SCHIP1: variants seen among roughly 807,000 people sequenced by gnomAD.
The protein encoded by SCHIP1 is schwannomin interacting protein 1.
A neutral mutation model predicts 29.7 loss-of-function variants in SCHIP1; 8 were observed. That is an observed-to-expected ratio of 0.27 (90% CI 0.16 to 0.49). The LOEUF is 0.49. Ranked by LOEUF, SCHIP1 falls within the 20% of genes least tolerant of loss-of-function variation. The probability of loss-of-function intolerance (pLI) is 0.99; values close to 1 mark genes in which losing one functional copy is unlikely to be tolerated. For missense variants in SCHIP1, 193 were observed against 294.6 expected (o/e 0.66, Z 2.52); for synonymous variants, 76 against 94.9 (o/e 0.80, Z 1.16).
chr3:159,538,957 A>G, the SCHIP1 span, among the ~76,000 whole-genome samples: 1 of 152,122 alleles, frequency 6.6e-6, no homozygotes, highest in African/African-American at 2.4e-5. Flanking sequence ...AATCTTACAG[A>G]TAAGAGCCTC....
At chr3:159,371,148 T>C in the SCHIP1 span, among the ~76,000 whole-genome samples, 1 of 152,162 alleles carries the variant, frequency 6.6e-6, no homozygotes, top group African/African-American at 2.4e-5. Flanking sequence ...AGAACCACAC[T>C]TGGAACATAA....
chr3:159,866,274 T>A, exon 2 of SCHIP1: 2 of 1,613,466 alleles, frequency 1.2e-6, no homozygotes, highest in Non-Finnish European at 1.7e-6. Flanking sequence ...GCCAAGCCTT[T>A]CCTCCCGGTG....
the SCHIP1 span, among the ~76,000 whole-genome samples, chr3:159,426,965 C>A: frequency 3.9e-5 from 6 of 152,120 alleles, no homozygotes; most frequent in Admixed American, 2.6e-4. Flanking sequence ...TCAGAAAAGG[C>A]CTTTGACAAA....
At chr3:159,518,291 G>A in the SCHIP1 span, among the ~76,000 whole-genome samples, 1 of 152,044 alleles carries the variant, frequency 6.6e-6, no homozygotes, top group African/African-American at 2.4e-5. Flanking sequence ...GATTGCATTT[G>A]GAAGAGAGGA....
the SCHIP1 span, among the ~76,000 whole-genome samples, chr3:159,475,452 G>A: frequency 6.6e-6 from 1 of 152,102 alleles, no homozygotes; most frequent in Non-Finnish European, 1.5e-5. Flanking sequence ...TTGCTAATAG[G>A]TATAGGGTTT....
the SCHIP1 span, among the ~76,000 whole-genome samples, chr3:159,463,885 A>G: frequency 4.3e-4 from 66 of 152,280 alleles, no homozygotes; most frequent in African/African-American, 1.3e-3. Flanking sequence ...TTTTCTGTAC[A>G]TATTGATCAT....
the SCHIP1 span, among the ~76,000 whole-genome samples, chr3:159,742,009 C>G: frequency 1.3e-5 from 2 of 152,186 alleles, no homozygotes; most frequent in Admixed American, 1.3e-4. Flanking sequence ...GTGGGCGGAT[C>G]ACTTGAGATC....
the SCHIP1 span, among the ~76,000 whole-genome samples, chr3:159,667,358 T>C: frequency 6.6e-6 from 1 of 152,240 alleles, no homozygotes; most frequent in Non-Finnish European, 1.5e-5. Flanking sequence ...AAGCATCACT[T>C]TGCAACCAGT....
At chr3:159,453,025 A>G in the SCHIP1 span, among the ~76,000 whole-genome samples, 1 of 152,228 alleles carries the variant, frequency 6.6e-6, no homozygotes, top group South Asian at 2.1e-4. Flanking sequence ...CTTCTAAAAA[A>G]AACTGGGGAG....
At chr3:159,589,065 T>G in the SCHIP1 span, among the ~76,000 whole-genome samples, 1 of 152,126 alleles carries the variant, frequency 6.6e-6, no homozygotes, top group Non-Finnish European at 1.5e-5. Flanking sequence ...AGTATGGCCA[T>G]TTTTCACAAC....
the SCHIP1 span, among the ~76,000 whole-genome samples, chr3:159,808,027 G>C: frequency 6.6e-6 from 1 of 152,138 alleles, no homozygotes; most frequent in African/African-American, 2.4e-5. Context: ...CCCTCAAGTT[G>C]TTGTCTTAGA....
chr3:159,888,025 C>T (rs1197404912), intron 4 of SCHIP1, 120 bp downstream of exon 5: 5 of 1,310,238 alleles, frequency 3.8e-6, no homozygotes, highest in Non-Finnish European at 5.2e-6. Flanking sequence ...TGTAAAAAGT[C>T]CTGTCATTGA....
the SCHIP1 span, among the ~76,000 whole-genome samples, chr3:159,614,887 G>C: frequency 1.3e-5 from 2 of 152,230 alleles, no homozygotes; most frequent in Admixed American, 6.5e-5. Flanking sequence ...GGGACACGAA[G>C]TGAAATAAGG....
chr3:159,766,914 C>T, the SCHIP1 span, among the ~76,000 whole-genome samples: 4 of 152,186 alleles, frequency 2.6e-5, no homozygotes, highest in Admixed American at 6.5e-5. Context: ...TGAATCTTTC[C>T]TTCTTGGGCA....
At chr3:159,370,185 C>A in the SCHIP1 span, among the ~76,000 whole-genome samples, 4 of 152,200 alleles carry the variant, frequency 2.6e-5, no homozygotes, top group South Asian at 2.1e-4. Context: ...CTTGCAGTAG[C>A]TGTTGAGGCT....
chr3:159,410,431 A>G, the SCHIP1 span, among the ~76,000 whole-genome samples: 7 of 152,082 alleles, frequency 4.6e-5, no homozygotes, highest in Non-Finnish European at 7.4e-5. Flanking sequence ...AACTGTATAG[A>G]AAAAATATCT....
At chr3:159,508,635 C>G in the SCHIP1 span, among the ~76,000 whole-genome samples, 1 of 152,118 alleles carries the variant, frequency 6.6e-6, no homozygotes, top group East Asian at 1.9e-4. Flanking sequence ...ACACACTGCT[C>G]TAAATATGTT....
At chr3:159,868,180 CAT>C (rs982553176) in intron 2 of SCHIP1, among the ~76,000 whole-genome samples, 5 of 150,712 alleles carry the variant, frequency 3.3e-5, no homozygotes, top group Non-Finnish European at 4.4e-5. Context: ...TGGATGTATA[CAT>C]ATATATATGT....
At chr3:159,601,429 T>C in the SCHIP1 span, among the ~76,000 whole-genome samples, 1 of 152,152 alleles carries the variant, frequency 6.6e-6, no homozygotes, top group Non-Finnish European at 1.5e-5. Flanking sequence ...ACAGAGACCA[T>C]ACTGCCAGTT....
Sources: allele counts gnomAD v4.1 joint callset (sites outside exome capture counted in the v4.1 genomes callset), GRCh38; gene constraint gnomAD v4.1.1; transcripts MANE v1.5; gene names NCBI Gene and HGNC (gene_info 2026-07-23, HGNC 2026-07-21).